The following SEC14L5 variants were observed in gnomAD, a reference collection of about 807,000 sequenced individuals.
SEC14L5 encodes the protein SEC14-like protein 5.
SEC14L5 carries 96 observed loss-of-function variants against 84.6 expected under a neutral mutation model. The observed-to-expected ratio is 1.13, with a 90% CI of 0.96 to 1.34. SEC14L5 has a LOEUF of 1.34. SEC14L5 is among the 40% of genes most tolerant of loss of function. SEC14L5 has a pLI of 0.00. For missense variants in SEC14L5, 1,224 were observed against 942.5 expected (o/e 1.30, Z -3.91); for synonymous variants, 546 against 383.4 (o/e 1.42, Z -4.95).
At chr16:4,987,025 T>A (rs755505490) in intron 2 of SEC14L5, among the ~76,000 whole-genome samples, 2 of 152,178 alleles carry the variant, frequency 1.3e-5, no homozygotes, top group Non-Finnish European at 2.9e-5. Flanking sequence ...GGCTTTTATT[T>A]CTTTTACTTA....
At chr16:4,989,327 G>GTT (rs5815223) in intron 4 of SEC14L5, among the ~76,000 whole-genome samples, 1 of 136,458 alleles carries the variant, frequency 7.3e-6, no homozygotes, top group African/African-American at 2.7e-5. Context: ...TGTTTGTTTT[G>GTT]TTTTTTTTTT....
intron 2 of SEC14L5, among the ~76,000 whole-genome samples, chr16:4,978,845 C>T (rs1330137062): frequency 2.0e-5 from 3 of 152,166 alleles, no homozygotes; most frequent in Non-Finnish European, 4.4e-5. Flanking sequence ...TCGTGATCTG[C>T]CCGCCTTGGC....
chr16:5,006,132 TG>T, intron 12 of SEC14L5, 84 bp downstream of exon 12: 1 of 1,447,632 alleles, frequency 6.9e-7, no homozygotes, highest in Non-Finnish European at 9.6e-7. Flanking sequence ...GGAGTGGGGC[TG>T]GGAGGTGGAG....
chr16:4,968,219 G>A (rs1955231115), intron 2 of SEC14L5, among the ~76,000 whole-genome samples: 1 of 150,106 alleles, frequency 6.7e-6, no homozygotes, highest in Admixed American at 6.7e-5. Flanking sequence ...CGCTCTTGTT[G>A]CCCAGGCTGG....
intron 2 of SEC14L5, among the ~76,000 whole-genome samples, chr16:4,978,153 G>A (rs1388252493): frequency 2.0e-5 from 2 of 100,282 alleles, no homozygotes; most frequent in African/African-American, 3.9e-5. Flanking sequence ...GGTGGCTCAC[G>A]CCTGTAATCC....
At chr16:4,972,155 C>T (rs1204566281) in intron 2 of SEC14L5, among the ~76,000 whole-genome samples, 2 of 151,918 alleles carry the variant, frequency 1.3e-5, no homozygotes, top group Non-Finnish European at 2.9e-5. Context: ...ATAGGTGCCA[C>T]CGAACCTGGC....
At chr16:4,986,116 A>G (rs374532986) in intron 2 of SEC14L5, among the ~76,000 whole-genome samples, 12 of 150,470 alleles carry the variant, frequency 8.0e-5, no homozygotes, top group African/African-American at 2.9e-4. Context: ...CCTCACCAAC[A>G]CGTGCTGTTA....
chr16:5,008,406 C>A lies in SEC14L5; in HGVS notation c.1573-15C>A, dbSNP rs759985587. ...TCTCGGCCGTGACTCTCAGACCTCG[C>A]CTGTCTCCACACAGGTGGCCGTGGA... is the stretch of plus-strand genomic sequence containing the variant. On this transcript the variant is annotated splice_polypyrimidine_tract_variant and intron_variant, in intron 13 of 15. Transcript: ENST00000251170. 6.3e-6 allele frequency: 10 copies of A among 1,591,726 alleles called. No individual in the cohort carries two copies. In the Admixed American group the frequency reaches 1.4e-4, roughly 22 times the overall value.
At position 5,011,201 on chromosome 16, in the gene SEC14L5, C is replaced by G; in HGVS notation, c.1907C>G (p.Thr636Arg). 4.3e-6 allele frequency: 7 copies of G among 1,613,792 alleles called. No individual in the cohort carries two copies. Among genetic ancestry groups the G allele is most frequent in the South Asian group, 1.1e-5 (1 of 91,064 alleles). ...CTCCCGGGTGTGGACGATGTCCTGA[C>G]GGCTCTGCACAGCCCCGGGCCCAAG... ...CSLPGVDDVL[T>R]ALHSPGPKCK... The change falls in exon 15 of 16, where the codon ACG becomes AGG. Residue 636 changes from threonine (T) to arginine (R), a missense_variant. By Grantham distance (71) the Thr-to-Arg change is moderately conservative (BLOSUM62 -1). Transcript: ENST00000251170.
Position 4,991,989 on chromosome 16 carries a change from G to A in SEC14L5, c.626G>A (p.Arg209His), listed in dbSNP as rs564692282. 56 of 1,583,904 alleles carry A rather than the reference G, an allele frequency of 3.5e-5. No individual in the cohort carries two copies. In the East Asian group the frequency reaches 8.0e-4, roughly 23 times the overall value. ...AGCTCCCTGGAGGCCCACGGGCCCC[G>A]TAGCACCCTGGGGCCCGCTCTGGAG... ...DPSSLEAHGP[R>H]STLGPALEAV... is the part of the protein sequence containing the mutation. Residue 209 changes from arginine to histidine, a missense_variant, in exon 6 of 16, where the codon CGT becomes CAT. Arg to His is a conservative substitution (Grantham distance 29). Transcript: ENST00000251170.
At chr16:5,014,697 G>A (rs918276582) in intron 15 of SEC14L5, among the ~76,000 whole-genome samples, 162 bp from the exon 16 acceptor site, 1 of 152,230 alleles carries the variant, frequency 6.6e-6, no homozygotes, top group Non-Finnish European at 1.5e-5. Context: ...TGGGGAATTC[G>A]GTAGTGCTTT....
In SEC14L5 at chr16:4,970,765, C is replaced by T. The variant is rs561000651; in HGVS notation, c.63+11379C>T. Reference sequence around the variant, plus strand: ...GGTGAGTCCTCATGTGGAGGGGACACGGCTTCCCAGCCCAAAAGTACATCC... The same window carrying T: ...GGTGAGTCCTCATGTGGAGGGGACATGGCTTCCCAGCCCAAAAGTACATCC... On this transcript the variant is annotated intron_variant, in intron 2 of 15. Transcript: ENST00000251170. Among the ~76,000 whole-genome samples the T allele has an allele frequency of 2.5e-3, 376 of 152,262 alleles. 1 individual carries two copies. Among genetic ancestry groups the T allele is most frequent in the Non-Finnish European group, 4.6e-3 (312 of 68,020 alleles).
intron 4 of SEC14L5, 90 bp from the exon 5 acceptor site, chr16:4,990,677 T>C (rs1211459650): frequency 1.5e-6 from 2 of 1,317,736 alleles, no homozygotes; most frequent in South Asian, 1.7e-5. Context: ...CTGCAGGCTC[T>C]GCCTGGGCCC....
In SEC14L5 at chr16:4,997,022, G is replaced by GGGC; in HGVS notation, c.949_951dup (p.Gly317dup). 1 of 1,611,648 alleles carries GGGC rather than the reference G, an allele frequency of 6.2e-7. No individual in the cohort carries two copies. The highest frequency in any genetic ancestry group is 8.5e-7 in the Non-Finnish European group (1 of 1,178,958). On this transcript the variant is annotated inframe_insertion, in exon 8 of 16. Coordinates refer to ENST00000251170, the MANE Select transcript of SEC14L5 (RefSeq NM_014692.2). ...CCCTGCTGGAGGAGTTCTATGCAGG[G>GGGC]GGCTGGCATTACCAGGACATAGGTG...
intron 15 of SEC14L5, among the ~76,000 whole-genome samples, chr16:5,013,105 A>C (rs1955825751): frequency 6.6e-6 from 1 of 152,138 alleles, no homozygotes; most frequent in Non-Finnish European, 1.5e-5. Context: ...TATCGCAAGA[A>C]GACCATGGGG....
rs909123168 is a variant in SEC14L5, at chr16:5,012,333, G to T, written c.1979+1060G>T. ...CCGGGCATGTGGAGGCCAGAGGGGT[G>T]GGCTGGGCCAGACGCTGCACACCAA... On this transcript the variant is annotated intron_variant, in intron 15 of 15. Coordinates refer to ENST00000251170, the MANE Select transcript of SEC14L5 (RefSeq NM_014692.2). Among the ~76,000 whole-genome samples, 3 of 152,068 alleles carry T rather than the reference G, an allele frequency of 2.0e-5. No homozygotes were observed. In the East Asian group the frequency reaches 5.8e-4, roughly 29 times the overall value.
intron 2 of SEC14L5, chr16:4,960,683 A>G (rs1955110875): frequency 6.6e-6 from 1 of 152,190 alleles, no homozygotes. Context: ...CTTCACCTCC[A>G]TGAGCCTCCA....
chr16:4,996,499 G>A, intron 7 of SEC14L5, 39 bp downstream of exon 7: 2 of 1,082,278 alleles, frequency 1.8e-6, no homozygotes, highest in Non-Finnish European at 2.8e-6. Context: ...GGATGAATGG[G>A]CAATGACTGG....
rs548887953 is a variant in SEC14L5 at position 5,000,290 on chromosome 16, C to T, written c.971-365C>T. ...TGGGTGACAGAGCAAGACTCTGTCT[C>T]AAATAAATACATAAATAAAAATGTT... On this transcript the variant is annotated intron_variant, in intron 8 of 15. Coordinates refer to ENST00000251170, the MANE Select transcript of SEC14L5 (RefSeq NM_014692.2). Among the ~76,000 whole-genome samples the T allele has an allele frequency of 3.9e-5, 6 of 152,224 alleles. No homozygotes were observed. The East Asian group carries it at 7.7e-4, about 20-fold the overall frequency.
Sources: gnomAD v4.1 joint callset for allele counts (sites outside exome capture counted in the v4.1 genomes callset) on GRCh38, gnomAD v4.1.1 for gene constraint, MANE v1.5 for transcripts, NCBI Gene and HGNC (gene_info 2026-07-23, HGNC 2026-07-21) for gene names.